PCBD2: variants seen among roughly 807,000 people sequenced by gnomAD.
The protein encoded by PCBD2 is pterin-4-alpha-carbinolamine dehydratase 2.
PCBD2 carries 12 observed loss-of-function variants against 16.4 expected under a neutral mutation model. The observed-to-expected ratio is 0.73, with a 90% confidence interval of 0.47 to 1.19. The LOEUF is 1.19. PCBD2 is among the 50% of genes most tolerant of loss of function. The probability of loss-of-function intolerance (pLI) is 0.00; values close to 1 mark genes in which losing one functional copy is unlikely to be tolerated. For missense variants in PCBD2, 138 were observed against 156.8 expected, an observed-to-expected ratio of 0.88 and a Z score of 0.64; for synonymous variants, 58 against 61.8, an observed-to-expected ratio of 0.94 and a Z score of 0.29.
chr5:134,958,946 G>A, intron 2 of PCBD2, 94 bp from the exon 3 acceptor site: 2 of 916,704 alleles, frequency 2.2e-6, no homozygotes, highest in Non-Finnish European at 3.4e-6. Flanking sequence ...AAGGATCCTT[G>A]CCTGCCTTTA....
chr5:134,908,664 C>CAA (rs540737382), intron 1 of PCBD2, among the ~76,000 whole-genome samples: 7 of 60,600 alleles, frequency 1.2e-4, no homozygotes, highest in South Asian at 1.1e-3. Context: ...GACTTGGTCT[C>CAA]AAAAAAAAAA....
In PCBD2 at chr5:134,907,948, G is replaced by T. The variant is rs532908372; in HGVS notation, c.85-2387G>T. On this transcript the variant is annotated intron_variant, in intron 1 of 3. Transcript: ENST00000254908. The stretch of plus-strand genomic sequence containing the variant: ...TTTTTTTTTTTTTTTAAGAGACAGG[G>T]TCTCACTCTGTTGCCCAGGCTGGAA... Among the ~76,000 whole-genome samples, 5 of 149,406 alleles carry T rather than the reference G, an allele frequency of 3.3e-5. No homozygotes were observed. The East Asian group carries it at 5.9e-4, about 18-fold the overall frequency.
At chr5:134,955,010 G>A (rs550846902) in intron 2 of PCBD2, among the ~76,000 whole-genome samples, 479 of 152,050 alleles carry the variant, frequency 3.2e-3, no homozygotes, top group African/African-American at 0.011. Flanking sequence ...CCAAAGTGCT[G>A]GGATTACAGG....
At chr5:134,907,517 A>G (rs758239004) in intron 1 of PCBD2, among the ~76,000 whole-genome samples, 2 of 152,122 alleles carry the variant, frequency 1.3e-5, no homozygotes, top group Non-Finnish European at 2.9e-5. Flanking sequence ...CTGGGATTAC[A>G]GGCATGAGCC....
At chr5:134,926,204 A>C in intron 2 of PCBD2, 1 of 321,690 alleles carries the variant, frequency 3.1e-6, no homozygotes, top group Non-Finnish European at 5.6e-6. Context: ...AATATTATGG[A>C]GAAATAATCT....
rs1751483987 is a variant in PCBD2 at position 134,962,047 on chromosome 5, C to T, written c.*1366C>T. 6.7e-6 allele frequency among the ~76,000 whole-genome samples: 1 copy of T among 149,986 alleles called. No individual in the cohort carries two copies. The highest frequency in any genetic ancestry group is 2.5e-5 in the African/African-American group (1 of 40,220). The stretch of plus-strand genomic sequence containing the variant: ...AAGTCCAAGGATTACAGGTGTGAGC[C>T]ATTGCCCCCAGCCAGTATAACAGTT... On this transcript the variant is annotated 3_prime_UTR_variant, in exon 4 of 4. Transcript: ENST00000254908.
At chr5:134,948,779 C>T (rs1410409597) in intron 2 of PCBD2, among the ~76,000 whole-genome samples, 2 of 149,536 alleles carry the variant, frequency 1.3e-5, no homozygotes, top group East Asian at 3.9e-4. Flanking sequence ...CTTTTGAAAG[C>T]AGTGTTTAGA....
rs1751485583 is a variant in PCBD2 at position 134,962,108 on chromosome 5, T to TGTGTG, written c.*1427_*1428insGTGTG. ...TGTGTGTGTGTGTGTGTGTGTGTGT[T>TGTGTG]TGACACGGGGTCTCATTCTGTTGCC... On this transcript the variant is annotated 3_prime_UTR_variant, in exon 4 of 4. Coordinates refer to ENST00000254908, the MANE Select transcript of PCBD2 (RefSeq NM_032151.5). Among the ~76,000 whole-genome samples the TGTGTG allele has an allele frequency of 8.0e-6, 1 of 125,322 alleles. No homozygotes were observed. Among genetic ancestry groups the TGTGTG allele is most frequent in the African/African-American group, 3.2e-5 (1 of 31,394 alleles). 82.2% of individuals were successfully genotyped at this position (125,322 alleles called of 152,430 possible).
intron 2 of PCBD2, chr5:134,925,272 G>T (rs978267841): frequency 2.5e-6 from 1 of 398,558 alleles, no homozygotes. Context: ...TTGCGGTTTC[G>T]ATGATGTGGT....
At chr5:134,941,986 C>A (rs377264547) in intron 2 of PCBD2, among the ~76,000 whole-genome samples, 1 of 150,706 alleles carries the variant, frequency 6.6e-6, no homozygotes, top group East Asian at 1.9e-4. Context: ...AAAAGTTAGC[C>A]GGGCGTGGTG....
chr5:134,945,185 C>A (rs1474585192), intron 2 of PCBD2, among the ~76,000 whole-genome samples: 2 of 152,172 alleles, frequency 1.3e-5, no homozygotes, highest in Non-Finnish European at 2.9e-5. Context: ...GCAGTGCACT[C>A]CTCCTCCAGC....
At chr5:134,934,544 G>A (rs960616248) in intron 2 of PCBD2, among the ~76,000 whole-genome samples, 1 of 152,162 alleles carries the variant, frequency 6.6e-6, no homozygotes, top group Non-Finnish European at 1.5e-5. Flanking sequence ...TATATTTGTA[G>A]CCACGGTATT....
At chr5:134,960,506 A>G in intron 3 of PCBD2, 80 bp from the exon 4 acceptor site, 2 of 938,126 alleles carry the variant, frequency 2.1e-6, no homozygotes, top group South Asian at 1.5e-5. Context: ...GTTGAATAAT[A>G]GACTGATTTC....
At chr5:134,926,370 G>C (rs1561909873) in intron 2 of PCBD2, 1 of 379,850 alleles carries the variant, frequency 2.6e-6, no homozygotes, top group Non-Finnish European at 4.7e-6. Flanking sequence ...GGGGATATGA[G>C]TTTTTTTTAT....
intron 2 of PCBD2, among the ~76,000 whole-genome samples, chr5:134,914,834 G>A (rs917361308): frequency 5.9e-5 from 9 of 151,968 alleles, no homozygotes; most frequent in Non-Finnish European, 1.3e-4. Context: ...ATCATGCCCA[G>A]CTAATTTTTT....
At chr5:134,928,227 C>T in intron 2 of PCBD2, 1 of 389,122 alleles carries the variant, frequency 2.6e-6, no homozygotes, top group Non-Finnish European at 4.6e-6. Flanking sequence ...ATTATTCCTT[C>T]TAGGCATAGT....
rs139313974 is a variant in PCBD2 at position 134,962,465 on chromosome 5, C to G, written c.*1784C>G. ...ATGGAGTCTCACTATGTTGCCCAGG[C>G]TGGTCTTGAATGCCTGGGCTCAAAT... is the stretch of plus-strand genomic sequence containing the variant. On this transcript the variant is annotated 3_prime_UTR_variant, in exon 4 of 4. Transcript: ENST00000254908. 3.4e-4 allele frequency among the ~76,000 whole-genome samples: 52 copies of G among 152,048 alleles called. No homozygotes were observed. Among genetic ancestry groups the G allele is most frequent in the African/African-American group, 1.2e-3 (48 of 41,476 alleles).
Position 134,910,367 on chromosome 5 carries a change from G to A in PCBD2, c.117G>A (p.Glu39=), listed in dbSNP as rs1193221593. The change falls in exon 2 of 4, where the codon GAG becomes GAA. Residue 39 remains glutamate, a synonymous_variant. Transcript: ENST00000254908. ...GTACTCACAGGTTGACTGCAGAGGA[G>A]AGGAACCAAGCTATACTTGACCTTA... ...SSGTHRLTAE[E]RNQAILDLKA... is the part of the protein sequence containing the mutation. 7.4e-6 allele frequency: 12 copies of A among 1,614,094 alleles called. No homozygotes were observed. Among genetic ancestry groups the A allele is most frequent in the Non-Finnish European group, 1.0e-5 (12 of 1,179,934 alleles).
intron 2 of PCBD2, among the ~76,000 whole-genome samples, chr5:134,935,076 C>T (rs115856773): frequency 1.3e-5 from 2 of 152,296 alleles, no homozygotes; most frequent in African/African-American, 2.4e-5. Flanking sequence ...ACATTAAGAT[C>T]GGAAACCAAC....
Sources: allele counts gnomAD v4.1 joint callset (sites outside exome capture counted in the v4.1 genomes callset), GRCh38; gene constraint gnomAD v4.1.1; transcripts MANE v1.5; gene names NCBI Gene and HGNC (gene_info 2026-07-23, HGNC 2026-07-21).